TTN: variants seen among roughly 807,000 people sequenced by gnomAD.
The protein encoded by TTN is connectin.
In TTN, 1,525 loss-of-function variants were observed where a neutral mutation model predicts 3,223.0. The observed-to-expected ratio is 0.47, with a 90% confidence interval of 0.45 to 0.49. The LOEUF is 0.49. Ranked by LOEUF, TTN falls within the 20% of genes least tolerant of loss-of-function variation. The pLI, the probability that TTN is intolerant of heterozygous loss-of-function variation, is 0.00. For missense variants in TTN, 40,786 were observed against 43,424.0 expected, an observed-to-expected ratio of 0.94 and a Z score of 5.40; for synonymous variants, 14,094 against 15,161.0, an observed-to-expected ratio of 0.93 and a Z score of 5.17.
In TTN at chr2:178,665,691, G is replaced by T; in HGVS notation, c.35959+17C>A. On this transcript the variant is annotated intron_variant, in intron 164 of 362. Coordinates refer to ENST00000589042, the MANE Select transcript of TTN (RefSeq NM_001267550.2). ...CACTCTAATAAATGAAGGAAGGAATGGCAGGATGAACGATACCTTTAGTGG... is the reference window on the plus strand; with the variant it reads ...CACTCTAATAAATGAAGGAAGGAATTGCAGGATGAACGATACCTTTAGTGG... 7.5e-7 allele frequency: 1 copy of T among 1,328,310 alleles called. No homozygotes were observed. 82.3% of individuals were successfully genotyped at this position (1,328,310 alleles called of 1,614,324 possible). A position where few individuals can be genotyped will look rare whatever the true frequency, so the allele number is the denominator to read the frequency against.
intron 47 of TTN, chr2:178,745,930 T>C: frequency 6.2e-7 from 1 of 1,608,936 alleles, no homozygotes; most frequent in Non-Finnish European, 8.5e-7. Flanking sequence ...ATTCTTCCAT[T>C]AAACTGCTTA....
Position 178,559,570 on chromosome 2 carries a change from C to G in TTN, c.86562G>C (p.Val28854=). The change falls in exon 326 of 363, where the codon GTG becomes GTC. Residue 28854 remains valine (V), a synonymous_variant. Transcript: ENST00000589042. ...CTGCAGACTCTTTGGTTACATCTTG[C>G]ACAGTAATGTTGGTTGGAGGACCTG... ...DTPGPPTNIT[V]QDVTKESAVL... 1 of 1,613,838 alleles carries G rather than the reference C, an allele frequency of 6.2e-7. No individual in the cohort carries two copies. The highest frequency in any genetic ancestry group is 1.1e-5 in the South Asian group (1 of 91,074).
Position 178,527,042 on chromosome 2 carries a change from G to A in TTN, c.107946C>T (p.Ala35982=), listed in dbSNP as rs2154129770. The change falls in exon 363 of 363, where the codon GCC becomes GCT. Residue 35982 remains alanine (A), a synonymous_variant. Coordinates refer to ENST00000589042, the MANE Select transcript of TTN (RefSeq NM_001267550.2). ...SLGNEFGSDS[A]TVNIHIRSI Reference sequence around the variant, plus strand: ...TGGATCGAATATGTATATTCACAGTGGCAGAGTCAGATCCAAATTCATTCC... The same window carrying A: ...TGGATCGAATATGTATATTCACAGTAGCAGAGTCAGATCCAAATTCATTCC... 6.2e-7 allele frequency: 1 copy of A among 1,613,722 alleles called. No individual in the cohort carries two copies. Among genetic ancestry groups the A allele is most frequent in the Non-Finnish European group, 8.5e-7 (1 of 1,179,772 alleles).
intron 297 of TTN, 38 bp downstream of exon 297, chr2:178,593,923 G>C (rs1322848026): frequency 1.9e-6 from 3 of 1,607,652 alleles, no homozygotes; most frequent in Non-Finnish European, 2.5e-6. Flanking sequence ...GCTTTTGAAA[G>C]AACAGAAGAT....
chr2:178,753,081 C>T lies in TTN; in HGVS notation c.11311+43G>A, dbSNP rs760717925. 8.4e-6 allele frequency: 13 copies of T among 1,547,344 alleles called. No individual in the cohort carries two copies. The African/African-American group carries it at 1.5e-4, about 18-fold the overall frequency. The stretch of plus-strand genomic sequence containing the variant: ...AGGCAACTCAAGGATCCTATTAATC[C>T]TTTAGAATTTCTACTTAAATCTCAC... On this transcript the variant is annotated intron_variant, in intron 47 of 362. Coordinates refer to ENST00000589042, the MANE Select transcript of TTN (RefSeq NM_001267550.2).
In TTN at chr2:178,575,599, T is replaced by C. The variant is rs1253810679; in HGVS notation, c.70533A>G (p.Ala23511=). 4 of 1,613,564 alleles carry C rather than the reference T, an allele frequency of 2.5e-6. No individual in the cohort carries two copies. The Admixed American group carries it at 6.7e-5, about 27-fold the overall frequency. ...GCTCACCAATTCCATATTCATTCTC[T>C]GCCATCACTCTGAAGAAATATTCAC... ...EGCEYFFRVM[A]ENEYGIGEPT... Residue 23511 remains alanine, a synonymous_variant, in exon 326 of 363, where the codon GCA becomes GCG. Coordinates refer to ENST00000589042, the MANE Select transcript of TTN (RefSeq NM_001267550.2). The surrounding 1 kb of genome is among the most constrained non-coding windows in gnomAD (Gnocchi z 4.0).
intron 87 of TTN, 44 bp downstream of exon 87, chr2:178,717,479 A>G (rs183287494): frequency 6.4e-7 from 1 of 1,563,944 alleles, no homozygotes; most frequent in Non-Finnish European, 8.7e-7. Flanking sequence ...GGCCTGGAGC[A>G]GTGAAGCTGC....
At position 178,546,323 on chromosome 2, in the gene TTN, G is replaced by A. The variant is rs1322596650; in HGVS notation, c.95008C>T (p.Arg31670Ter). 12 of 1,613,818 alleles carry A rather than the reference G, an allele frequency of 7.4e-6. No individual in the cohort carries two copies. Among genetic ancestry groups the A allele is most frequent in the East Asian group, 2.2e-5 (1 of 44,868 alleles). ...EKVSLQYTGK[R>*]ATAVIKFCDR... is the part of the protein sequence containing the mutation. Reference sequence around the variant, plus strand: ...CAGAACTTGATCACAGCAGTTGCTCGTTTGCCAGTATACTGCAAAGAGACT... The same window carrying A: ...CAGAACTTGATCACAGCAGTTGCTCATTTGCCAGTATACTGCAAAGAGACT... Residue 31670 changes from arginine to a stop codon, truncating the protein, a stop_gained, in exon 342 of 363, where the codon CGA becomes TGA. Coordinates refer to ENST00000589042, the MANE Select transcript of TTN (RefSeq NM_001267550.2). LOFTEE classifies it high-confidence loss of function.
chr2:178,722,208 T>C, intron 77 of TTN, 51 bp downstream of exon 77: 4 of 1,529,410 alleles, frequency 2.6e-6, no homozygotes, highest in Non-Finnish European at 3.5e-6. Context: ...ACTTTGACAA[T>C]GAAATATGAA....
chr2:178,619,321 T>C, intron 250 of TTN: 1 of 458,610 alleles, frequency 2.2e-6, no homozygotes, highest in Non-Finnish European at 3.8e-6. Flanking sequence ...TAGGAGAGTA[T>C]AAGACCGTCT....
intron 163 of TTN, among the ~76,000 whole-genome samples, chr2:178,666,107 C>T (rs1399009828): frequency 6.6e-6 from 1 of 152,106 alleles, no homozygotes; most frequent in East Asian, 1.9e-4. Flanking sequence ...ATTACAGCCA[C>T]TTCGAAAAAT....
chr2:178,619,756 G>A lies in TTN; in HGVS notation c.46561C>T (p.Gln15521Ter). The A allele has an allele frequency of 6.2e-7, 1 of 1,612,310 alleles. No individual in the cohort carries two copies. Among genetic ancestry groups the A allele is most frequent in the Non-Finnish European group, 8.5e-7 (1 of 1,178,904 alleles). ...CTCATCATCTGGTGTTTATCACCCT[G>A]GACAACAACCATGTTATTTCTTAGC... The part of the protein sequence containing the change: ...QWLRNNMVVV[Q>*]GDKHQMMSEG... Residue 15521 changes from glutamine to a stop codon, truncating the protein, a stop_gained, in exon 250 of 363, where the codon CAG becomes TAG. Transcript: ENST00000589042. LOFTEE classifies it high-confidence loss of function.
In TTN at chr2:178,685,317, C is replaced by T. The variant is rs779469817; in HGVS notation, c.32406G>A (p.Gln10802=). The T allele has an allele frequency of 1.9e-6, 3 of 1,551,038 alleles. No individual in the cohort carries two copies. Among genetic ancestry groups the T allele is most frequent in the African/African-American group, 2.7e-5 (2 of 73,034 alleles). ...TTGGTTTCAGTACAATTTTCTTCTCCTGCCTCTCTGTCACTTGAAAAGATT... is the reference window on the plus strand; with the variant it reads ...TTGGTTTCAGTACAATTTTCTTCTCTTGCCTCTCTGTCACTTGAAAAGATT... The part of the protein sequence containing the change: ...EAEPAEVTER[Q]EKKIVLKPKI... Residue 10802 remains glutamine, a synonymous_variant, in exon 129 of 363, where the codon CAG becomes CAA. Coordinates refer to ENST00000589042, the MANE Select transcript of TTN (RefSeq NM_001267550.2).
Position 178,563,647 on chromosome 2 carries a change from G to A in TTN, c.82485C>T (p.Asp27495=), listed in dbSNP as rs72648213. Residue 27495 remains aspartate (D), a synonymous_variant, in exon 326 of 363, where the codon GAC becomes GAT. Coordinates refer to ENST00000589042, the MANE Select transcript of TTN (RefSeq NM_001267550.2). The surrounding 1 kb of genome is among the most constrained non-coding windows in gnomAD (Gnocchi z 4.5). ...SMVVTWARPV[D]DGGTEIEGYI... ...AGCCCTCAATTTCGGTACCTCCGTC[G>A]TCTACTGGGCGTGCCCATGTTACTA... The A allele has an allele frequency of 6.5e-5, 105 of 1,613,536 alleles. No individual in the cohort carries two copies. Among genetic ancestry groups the A allele is most frequent in the Non-Finnish European group, 8.4e-5 (99 of 1,179,772 alleles).
chr2:178,767,986 T>G (rs573019937), intron 39 of TTN, 28 bp downstream of exon 39: 1 of 1,614,098 alleles, frequency 6.2e-7, no homozygotes, highest in East Asian at 2.2e-5. Flanking sequence ...TGGGAATTAC[T>G]GGAATGTAGC....
chr2:178,711,874 C>G lies in TTN; in HGVS notation c.27886+70G>C, dbSNP rs1315444120. 2.7e-6 allele frequency: 4 copies of G among 1,491,058 alleles called. No individual in the cohort carries two copies. The East Asian group carries it at 9.2e-5, about 34-fold the overall frequency. 92.4% of individuals were successfully genotyped at this position (1,491,058 alleles called of 1,614,324 possible). On this transcript the variant is annotated intron_variant, in intron 96 of 362. Transcript: ENST00000589042. Reference sequence around the variant, plus strand: ...TGGAAAGATTTTCCTAAAAAATAGGCCTCCCCAGACATTTTAAATCTTGTT... The same window carrying G: ...TGGAAAGATTTTCCTAAAAAATAGGGCTCCCCAGACATTTTAAATCTTGTT...
At position 178,529,960 on chromosome 2, in the gene TTN, C is replaced by T. The variant is rs768786354; in HGVS notation, c.106531G>A (p.Ala35511Thr). 1.3e-6 allele frequency: 2 copies of T among 1,587,278 alleles called. No homozygotes were observed. Among genetic ancestry groups the T allele is most frequent in the Non-Finnish European group, 1.7e-6 (2 of 1,173,388 alleles). Residue 35511 changes from alanine (A) to threonine (T), a missense_variant and splice_region_variant, in exon 359 of 363, where the codon GCT becomes ACT. Physicochemically the swap from Ala to Thr is moderately conservative, Grantham distance 58 (BLOSUM62 0). Transcript: ENST00000589042. ...TGGGTAAAAACAAAAGCCAACCTACCTTTTATTGTTAATTTGCAGCTAGAG... is the reference window on the plus strand; with the variant it reads ...TGGGTAAAAACAAAAGCCAACCTACTTTTTATTGTTAATTTGCAGCTAGAG... The part of the protein sequence containing the change: ...VSSSCKLTIK[A>T]IKDTEAQKVS...
intron 120 of TTN, 56 bp downstream of exon 120, chr2:178,692,441 A>G: frequency 6.9e-7 from 1 of 1,455,124 alleles, no homozygotes; most frequent in Non-Finnish European, 9.4e-7. Flanking sequence ...CAGATCTTAT[A>G]GAAAAAGATA....
chr2:178,746,080 A>G, intron 47 of TTN: 1 of 1,613,486 alleles, frequency 6.2e-7, no homozygotes, highest in Non-Finnish European at 8.5e-7. Flanking sequence ...AGACATTTCG[A>G]ATTTTAAGAG....
Sources: gnomAD v4.1 joint callset for allele counts (sites outside exome capture counted in the v4.1 genomes callset) on GRCh38, gnomAD v4.1.1 for gene constraint, Gnocchi (gnomAD v3.1) non-coding constraint, MANE v1.5 for transcripts, NCBI Gene and HGNC (gene_info 2026-07-23, HGNC 2026-07-21) for gene names.